The following CCSER1 variants were observed in gnomAD, a reference collection of about 807,000 sequenced individuals.
CCSER1 encodes the protein serine-rich coiled-coil domain-containing protein 1.
In CCSER1, 41 loss-of-function variants were observed where a neutral mutation model predicts 82.0. The observed-to-expected ratio is 0.50, with a 90% CI of 0.39 to 0.65. CCSER1 has a LOEUF of 0.65. Among genes scored for constraint, CCSER1 ranks in the 30% least tolerant of loss-of-function variants. The probability of loss-of-function intolerance (pLI) is 0.00; values close to 1 mark genes in which losing one functional copy is unlikely to be tolerated. For synonymous variants in CCSER1, 414 were observed against 383.9 expected (o/e 1.08, Z -0.92); for missense variants, 1,119 against 1,064.2 (o/e 1.05, Z -0.72).
chr4:90,323,468 A>G (rs987682805), intron 3 of CCSER1, among the ~76,000 whole-genome samples: 3 of 152,120 alleles, frequency 2.0e-5, no homozygotes, highest in South Asian at 4.1e-4. Flanking sequence ...AAACCTCTAA[A>G]TGGTTTCTCT....
Position 90,309,141 on chromosome 4 carries a change from A to G in CCSER1, c.857A>G (p.Asn286Ser), listed in dbSNP as rs775936023. 5 of 1,613,860 alleles carry G rather than the reference A, an allele frequency of 3.1e-6. No homozygotes were observed. The highest frequency in any genetic ancestry group is 1.7e-5 in the Admixed American group (1 of 60,008). ...GGAAGCATGGCATCCCACTGTGACA[A>G]CTTTGGCCACAATGATTCTACCTCT... The part of the protein sequence containing the change: ...KSGSMASHCD[N>S]FGHNDSTSQM... The change falls in exon 2 of 11, where the codon AAC (asparagine) becomes AGC (serine). Residue 286 changes from asparagine to serine, a missense_variant. By Grantham distance (46) the Asn-to-Ser change is conservative. Coordinates refer to ENST00000509176, the MANE Select transcript of CCSER1 (RefSeq NM_001145065.2).
In CCSER1 at chr4:90,861,905, C is replaced by CAT. The variant is rs1433929339; in HGVS notation, c.2094+46081_2094+46082dup. Among the ~76,000 whole-genome samples the CAT allele has an allele frequency of 5.3e-3, 734 of 139,354 alleles. 11 individuals carry two copies. The highest frequency in any genetic ancestry group is 0.027 in the Admixed American group (364 of 13,628). The allele number at this position is 139,354 out of a possible 152,430, so 91.4% of individuals were successfully genotyped here. A position where few individuals can be genotyped will look rare whatever the true frequency, so the allele number is the denominator to read the frequency against. On this transcript the variant is annotated intron_variant, in intron 8 of 10. Coordinates refer to ENST00000509176, the MANE Select transcript of CCSER1 (RefSeq NM_001145065.2). ...CCATGGATCTCCTGATATGATGACT[C>CAT]ATATATATATATATATATATATTTT...
intron 10 of CCSER1, among the ~76,000 whole-genome samples, chr4:91,286,904 T>C (rs1443367706): frequency 1.3e-5 from 2 of 151,894 alleles, no homozygotes; most frequent in Non-Finnish European, 2.9e-5. Flanking sequence ...TCTCAGTATA[T>C]GAATGAAAGG....
intron 1 of CCSER1, among the ~76,000 whole-genome samples, chr4:90,221,650 T>C (rs1413229385): frequency 1.3e-5 from 2 of 152,146 alleles, no homozygotes; most frequent in Non-Finnish European, 2.9e-5. Flanking sequence ...AAAATATATA[T>C]TTATTCTTTC....
At chr4:90,513,965 G>A (rs554614877) in intron 5 of CCSER1, among the ~76,000 whole-genome samples, 2 of 152,274 alleles carry the variant, frequency 1.3e-5, no homozygotes, top group South Asian at 2.1e-4. Context: ...AGTGCAAGGA[G>A]AATAGGGGGA....
chr4:91,218,441 G>T (rs1737473344), intron 10 of CCSER1, among the ~76,000 whole-genome samples: 1 of 152,198 alleles, frequency 6.6e-6, no homozygotes, highest in Admixed American at 6.5e-5. Context: ...GCACTGAAGG[G>T]CTCCTCAAAT....
chr4:91,258,018 G>A (rs1272105612), intron 10 of CCSER1, among the ~76,000 whole-genome samples: 1 of 152,028 alleles, frequency 6.6e-6, no homozygotes, highest in African/African-American at 2.4e-5. Context: ...AAGAGAAAGA[G>A]CAAAGAAATA....
At chr4:90,745,451 C>T (rs956768708) in intron 7 of CCSER1, among the ~76,000 whole-genome samples, 14 of 152,220 alleles carry the variant, frequency 9.2e-5, no homozygotes, top group African/African-American at 3.1e-4. Flanking sequence ...GGATATCTGT[C>T]GAATGGGGCG....
chr4:90,948,308 A>AAT (rs1419993304), intron 9 of CCSER1, among the ~76,000 whole-genome samples: 1 of 151,764 alleles, frequency 6.6e-6, no homozygotes, highest in East Asian at 1.9e-4. Context: ...AATATAAATA[A>AAT]ATATATATAT....
At chr4:90,220,137 TTTAG>T (rs1741856543) in intron 1 of CCSER1, among the ~76,000 whole-genome samples, 1 of 152,170 alleles carries the variant, frequency 6.6e-6, no homozygotes, top group Non-Finnish European at 1.5e-5. Context: ...ATATTTTGTT[TTTAG>T]TTATTTTTGT....
intron 4 of CCSER1, among the ~76,000 whole-genome samples, chr4:90,410,551 A>G (rs1163685099): frequency 6.6e-6 from 1 of 152,200 alleles, no homozygotes; most frequent in African/African-American, 2.4e-5. Context: ...AATGAAATGA[A>G]GCAGAAATAA....
rs559437696 is a variant in CCSER1 at position 91,599,320 on chromosome 4, A to T, written c.*263A>T. On this transcript the variant is annotated 3_prime_UTR_variant, in exon 11 of 11. Coordinates refer to ENST00000509176, the MANE Select transcript of CCSER1 (RefSeq NM_001145065.2). ...GTGTATAATAAATGGGACCATCATGATCGTTTATATAGTCCATAATTTATT... is the reference window on the plus strand; with the variant it reads ...GTGTATAATAAATGGGACCATCATGTTCGTTTATATAGTCCATAATTTATT... 4 of 335,644 alleles carry T rather than the reference A, an allele frequency of 1.2e-5. No homozygotes were observed. The Admixed American group carries it at 1.7e-4, about 14-fold the overall frequency. 20.8% of individuals were successfully genotyped at this position (335,644 alleles called of 1,614,324 possible).
At chr4:91,555,001 G>A (rs1762336093) in intron 10 of CCSER1, among the ~76,000 whole-genome samples, 1 of 151,192 alleles carries the variant, frequency 6.6e-6, no homozygotes, top group Non-Finnish European at 1.5e-5. Context: ...GAATAAAATT[G>A]GACCCTTATC....
intron 5 of CCSER1, among the ~76,000 whole-genome samples, chr4:90,601,641 CTT>C (rs139381288): frequency 1.4e-5 from 2 of 143,854 alleles, no homozygotes; most frequent in Non-Finnish European, 1.5e-5. Flanking sequence ...AGCTGGATGG[CTT>C]TTTTTTTTTT....
At chr4:90,641,316 G>T (rs953258270) in intron 6 of CCSER1, among the ~76,000 whole-genome samples, 1 of 152,046 alleles carries the variant, frequency 6.6e-6, no homozygotes, top group Non-Finnish European at 1.5e-5. Flanking sequence ...TAAGAAAAAA[G>T]ATTTAAAGAG....
At chr4:90,487,270 C>A (rs768218408) in intron 5 of CCSER1, among the ~76,000 whole-genome samples, 1 of 152,154 alleles carries the variant, frequency 6.6e-6, no homozygotes, top group Non-Finnish European at 1.5e-5. Context: ...TCAACACAGC[C>A]AGAATTCCTG....
intron 10 of CCSER1, among the ~76,000 whole-genome samples, chr4:91,437,090 C>A (rs970889951): frequency 6.6e-6 from 1 of 152,156 alleles, no homozygotes; most frequent in Admixed American, 6.5e-5. Flanking sequence ...AGAGGCCATG[C>A]TTAGTGTCCT....
chr4:90,238,330 T>C (rs1746182113), intron 1 of CCSER1, among the ~76,000 whole-genome samples: 2 of 152,108 alleles, frequency 1.3e-5, no homozygotes, highest in South Asian at 4.1e-4. Context: ...TTGCATACCT[T>C]ATTAAGGGTC....
Position 90,400,017 on chromosome 4 carries a change from G to T in CCSER1, c.1510-19G>T, listed in dbSNP as rs1318854249. ...CTCAGTGTTTTGGTTTCTAATTGTT[G>T]GTTTTGATTTTTCTTCAGGATGTTT... On this transcript the variant is annotated intron_variant, in intron 3 of 10. Transcript: ENST00000509176. 8.2e-6 allele frequency: 12 copies of T among 1,462,454 alleles called. 1 individual carries two copies. Among genetic ancestry groups the T allele is most frequent in the South Asian group, 7.0e-5 (6 of 85,788 alleles). 90.6% of individuals were successfully genotyped at this position (1,462,454 alleles called of 1,614,324 possible). A position where few individuals can be genotyped will look rare whatever the true frequency, so the allele number is the denominator to read the frequency against.
Sources: allele counts gnomAD v4.1 joint callset (sites outside exome capture counted in the v4.1 genomes callset), GRCh38; gene constraint gnomAD v4.1.1; transcripts MANE v1.5; gene names NCBI Gene and HGNC (gene_info 2026-07-23, HGNC 2026-07-21).